FABP1: variants seen among roughly 807,000 people sequenced by gnomAD.
FABP1 encodes the protein fatty acid-binding protein, liver.
A neutral mutation model predicts 13.7 loss-of-function variants in FABP1; 13 were observed. That is an observed-to-expected ratio of 0.95 (90% confidence interval 0.62 to 1.51). FABP1 has a LOEUF of 1.51. Among genes scored for constraint, FABP1 ranks in the 40% most tolerant of loss-of-function variants. The probability of loss-of-function intolerance (pLI) is 0.00; values close to 1 mark genes in which losing one functional copy is unlikely to be tolerated. For synonymous variants in FABP1, 48 were observed against 59.8 expected (o/e 0.80, Z 0.91); for missense variants, 140 against 155.7 (o/e 0.90, Z 0.54).
intron 1 of FABP1, 103 bp from the exon 2 acceptor site, chr2:88,126,451 G>A: frequency 2.5e-6 from 3 of 1,201,998 alleles, no homozygotes; most frequent in South Asian, 2.8e-5. Context: ...ACAGAGAAGG[G>A]CACTGTGTCT....
chr2:88,126,363 C>A lies in FABP1; in HGVS notation c.68-15G>T, dbSNP rs752487303. 6 of 1,610,844 alleles carry A rather than the reference C, an allele frequency of 3.7e-6. 1 individual carries two copies. In the Admixed American group the frequency reaches 1.0e-4, roughly 27 times the overall value. ...TTCCGGCAGACCTGGTGGAAACCGT[C>A]TGAGGTTTAGATATGGGCAGAGGTG... is the stretch of plus-strand genomic sequence containing the variant. On this transcript the variant is annotated splice_polypyrimidine_tract_variant and intron_variant, in intron 1 of 3. Transcript: ENST00000295834.
rs191897830 is a variant in FABP1 at position 88,125,469 on chromosome 2, G to A, written c.240+707C>T. 1.5e-3 allele frequency among the ~76,000 whole-genome samples: 236 copies of A among 152,260 alleles called. 1 individual carries two copies. Among genetic ancestry groups the A allele is most frequent in the African/African-American group, 5.3e-3 (219 of 41,558 alleles). On this transcript the variant is annotated intron_variant, in intron 2 of 3. Coordinates refer to ENST00000295834, the MANE Select transcript of FABP1 (RefSeq NM_001443.3). ...AGAGCATGGAGTGTTTCAGAGGGAG[G>A]AGGAGACGGGCACCCCCATTGCCAG...
rs776049203 is a variant in FABP1 at position 88,127,937 on chromosome 2, A to G, written c.67+14T>C. The G allele has an allele frequency of 1.2e-6, 2 of 1,613,756 alleles. No individual in the cohort carries two copies. Among genetic ancestry groups the G allele is most frequent in the Non-Finnish European group, 1.7e-6 (2 of 1,179,756 alleles). On this transcript the variant is annotated intron_variant, in intron 1 of 3. Transcript: ENST00000295834. ...GATGTGACCCACAGCTTTGCCTTTC[A>G]GTCCAGCACTCACCGATTGCCTTCA...
chr2:88,126,056 T>C, intron 2 of FABP1, 120 bp downstream of exon 2: 1 of 1,033,382 alleles, frequency 9.7e-7, no homozygotes, highest in Admixed American at 2.2e-5. Context: ...TTCTCCCACA[T>C]GGGAGGTGGG....
chr2:88,124,633 C>A (rs776041190), intron 2 of FABP1, 47 bp from the exon 3 acceptor site: 2 of 1,415,502 alleles, frequency 1.4e-6, no homozygotes, highest in African/African-American at 1.4e-5. Flanking sequence ...TGGTGGGGGG[C>A]AAGAGCCTTG....
At chr2:88,126,558 C>T (rs1675302111) in intron 1 of FABP1, 2 of 502,590 alleles carry the variant, frequency 4.0e-6, no homozygotes, top group South Asian at 3.4e-5. Context: ...CTGCTGCTAT[C>T]TTGCCAGTCA....
intron 1 of FABP1, 81 bp from the exon 2 acceptor site, chr2:88,126,429 T>G: frequency 7.0e-7 from 1 of 1,420,510 alleles, no homozygotes; most frequent in Non-Finnish European, 9.8e-7. Flanking sequence ...AGAAACGACA[T>G]GACATGGAGG....
chr2:88,127,968 G>T lies in FABP1; in HGVS notation c.50C>A (p.Ala17Asp), dbSNP rs756471094. Residue 17 changes from alanine (A) to aspartate (D), a missense_variant, in exon 1 of 4, where the codon GCC becomes GAC. Transcript: ENST00000295834. ...YQLQSQENFE[A>D]FMKAIGLPEE... ...GCACTCACCGATTGCCTTCATGAAG[G>T]CTTCAAAGTTTTCCTGGCTCTGCAG... The T allele has an allele frequency of 1.2e-6, 2 of 1,614,206 alleles. No individual in the cohort carries two copies. The highest frequency in any genetic ancestry group is 1.1e-5 in the South Asian group (1 of 91,080).
chr2:88,126,765 C>T lies in FABP1; in HGVS notation c.68-417G>A, dbSNP rs181966231. On this transcript the variant is annotated intron_variant, in intron 1 of 3. Coordinates refer to ENST00000295834, the MANE Select transcript of FABP1 (RefSeq NM_001443.3). ...GTCCCTCCTGCAAGTGAAAGGGGAG[C>T]TGCTGATAATCATGCCAGGCCAACA... is the stretch of plus-strand genomic sequence containing the variant. The T allele has an allele frequency of 4.6e-5, 8 of 172,476 alleles. No individual in the cohort carries two copies. The East Asian group carries it at 8.6e-4, about 19-fold the overall frequency. The allele number at this position is 172,476 out of a possible 1,614,324, so 10.7% of individuals were successfully genotyped here.
chr2:88,123,227 A>T (rs755240936), intron 3 of FABP1, 123 bp from the exon 4 acceptor site: 3 of 751,986 alleles, frequency 4.0e-6, no homozygotes, highest in Non-Finnish European at 6.5e-6. Context: ...ATATGAAACA[A>T]TTCAAAAATT....
intron 3 of FABP1, 124 bp from the exon 4 acceptor site, chr2:88,123,228 T>C: frequency 1.3e-6 from 1 of 754,776 alleles, no homozygotes; most frequent in Non-Finnish European, 2.1e-6. Flanking sequence ...TATGAAACAA[T>C]TCAAAAATTC....
In FABP1 at chr2:88,123,120, GA is replaced by G. The variant is rs1558865407; in HGVS notation, c.334-17del. ...ATGTCATGGTCTGAAAGCCAGAAAA[GA>G]AATTATGAAGTGTTCATCTGATGTT... is the stretch of plus-strand genomic sequence containing the variant. On this transcript the variant is annotated splice_polypyrimidine_tract_variant and intron_variant, in intron 3 of 3. Transcript: ENST00000295834. 2.0e-5 allele frequency: 32 copies of G among 1,604,200 alleles called. No individual in the cohort carries two copies. The highest frequency in any genetic ancestry group is 3.4e-5 in the Admixed American group (2 of 58,210).
chr2:88,126,579 A>G, intron 1 of FABP1: 1 of 471,632 alleles, frequency 2.1e-6, no homozygotes, highest in Non-Finnish European at 3.9e-6. Context: ...ATTTATAAAA[A>G]GGACACTCTT....
intron 1 of FABP1, among the ~76,000 whole-genome samples, chr2:88,127,693 C>G (rs747829822): frequency 6.6e-6 from 1 of 152,220 alleles, no homozygotes; most frequent in Non-Finnish European, 1.5e-5. Flanking sequence ...TAGGATCACA[C>G]AACGAAGTGC....
In FABP1 at chr2:88,126,269, C is replaced by T; in HGVS notation, c.147G>A (p.Lys49=). Residue 49 remains lysine (K), a synonymous_variant, in exon 2 of 4, where the codon AAG becomes AAA. Transcript: ENST00000295834. ...CTTTGGACCCAGCGGTGATGGTGAA[C>T]TTGAAGTGCTTCCCATTCTGCACGA... ...SEIVQNGKHF[K]FTITAGSKVI... 6.2e-7 allele frequency: 1 copy of T among 1,614,032 alleles called. No individual in the cohort carries two copies. The highest frequency in any genetic ancestry group is 8.5e-7 in the Non-Finnish European group (1 of 1,179,930).
intron 3 of FABP1, chr2:88,123,311 TCTC>T (rs1380657250): frequency 6.6e-5 from 37 of 556,406 alleles, no homozygotes; most frequent in Non-Finnish European, 1.1e-4. Context: ...CTTTGTCACT[TCTC>T]CTCCTCACCT....
chr2:88,124,631 G>A (rs760182589), intron 2 of FABP1, 45 bp from the exon 3 acceptor site: 43 of 1,426,226 alleles, frequency 3.0e-5, no homozygotes, highest in Non-Finnish European at 4.2e-5. Flanking sequence ...GGTGGTGGGG[G>A]GCAAGAGCCT....
intron 2 of FABP1, among the ~76,000 whole-genome samples, chr2:88,125,188 T>G (rs1530273): frequency 1.3e-5 from 2 of 151,884 alleles, no homozygotes; most frequent in Non-Finnish European, 2.9e-5. Context: ...CTGGAAGAGA[T>G]GACAGGAACC....
Position 88,122,982 on chromosome 2 carries a change from T to G in FABP1, c.*72A>C, listed in dbSNP as rs528451730. 1 of 1,115,834 alleles carries G rather than the reference T, an allele frequency of 9.0e-7. No homozygotes were observed. The highest frequency in any genetic ancestry group is 1.3e-6 in the Non-Finnish European group (1 of 778,410). 69.1% of individuals were successfully genotyped at this position (1,115,834 alleles called of 1,614,324 possible). A position where few individuals can be genotyped will look rare whatever the true frequency, so the allele number is the denominator to read the frequency against. ...TCAATGAAAAGGCATTGAGAAGACA[T>G]TTTTTTTTAAAACAAAGTTCACTTT... On this transcript the variant is annotated 3_prime_UTR_variant, in exon 4 of 4. Transcript: ENST00000295834.
Sources: gnomAD v4.1 joint callset for allele counts (sites outside exome capture counted in the v4.1 genomes callset) on GRCh38, gnomAD v4.1.1 for gene constraint, MANE v1.5 for transcripts, NCBI Gene and HGNC (gene_info 2026-07-23, HGNC 2026-07-21) for gene names.